Variants in KCND2 observed in about 807,000 individuals in gnomAD.
KCND2 encodes the protein potassium voltage-gated channel subfamily D member 2.
KCND2 carries 16 observed loss-of-function variants against 54.4 expected under a neutral mutation model. The observed-to-expected ratio is 0.29, with a 90% CI of 0.20 to 0.45. The LOEUF is 0.45. Among genes scored for constraint, KCND2 ranks in the 20% least tolerant of loss-of-function variants. KCND2 has a pLI of 1.00. For synonymous variants in KCND2, 317 were observed against 310.7 expected, an observed-to-expected ratio of 1.02 and a Z score of -0.21; for missense variants, 486 against 824.2, an observed-to-expected ratio of 0.59 and a Z score of 5.02.
In KCND2 at chr7:120,356,921, A is replaced by C. The variant is rs1033518350; in HGVS notation, c.1115+81174A>C. Among the ~76,000 whole-genome samples the C allele has an allele frequency of 5.3e-5, 8 of 152,064 alleles. 1 individual carries two copies. Among genetic ancestry groups the C allele is most frequent in the Admixed American group, 3.9e-4 (6 of 15,228 alleles). ...CGTTACTGGGGTTGCGGGAGTGACAAGCTATGTGACCATGTGCATAGGTAT... is the reference window on the plus strand; with the variant it reads ...CGTTACTGGGGTTGCGGGAGTGACACGCTATGTGACCATGTGCATAGGTAT... On this transcript the variant is annotated intron_variant, in intron 1 of 5. Transcript: ENST00000331113.
At chr7:120,726,622 C>G (rs1026982920) in intron 1 of KCND2, among the ~76,000 whole-genome samples, 1 of 152,162 alleles carries the variant, frequency 6.6e-6, no homozygotes, top group African/African-American at 2.4e-5. Context: ...CGGCTTTCAC[C>G]GGGGCATTAT....
At chr7:120,596,533 G>A (rs760672580) in intron 1 of KCND2, among the ~76,000 whole-genome samples, 2 of 152,264 alleles carry the variant, frequency 1.3e-5, no homozygotes, top group South Asian at 2.1e-4. Flanking sequence ...CTTAATCTCC[G>A]TAAAGTTGTA....
intron 1 of KCND2, among the ~76,000 whole-genome samples, chr7:120,611,548 GA>G (rs1315269018): frequency 6.6e-6 from 1 of 152,118 alleles, no homozygotes; most frequent in Non-Finnish European, 1.5e-5. Flanking sequence ...TGGGAGTGAA[GA>G]AAATGGTTCT....
intron 1 of KCND2, among the ~76,000 whole-genome samples, chr7:120,652,877 C>T (rs965622233): frequency 6.6e-6 from 1 of 152,114 alleles, no homozygotes; most frequent in African/African-American, 2.4e-5. Context: ...TTTAAATATC[C>T]CAGAAACTTT....
chr7:120,525,715 G>A lies in KCND2; in HGVS notation c.1116-207188G>A, dbSNP rs74934295. Among the ~76,000 whole-genome samples, 992 of 152,218 alleles carry A rather than the reference G, an allele frequency of 6.5e-3. 12 individuals carry two copies. The highest frequency in any genetic ancestry group is 0.022 in the African/African-American group (917 of 41,534). ...GGCAAGTGAACACAATGTGCCTAGCGTAAAGCCATTTATCCATTCAATAAT... is the reference window on the plus strand; with the variant it reads ...GGCAAGTGAACACAATGTGCCTAGCATAAAGCCATTTATCCATTCAATAAT... On this transcript the variant is annotated intron_variant, in intron 1 of 5. Coordinates refer to ENST00000331113, the MANE Select transcript of KCND2 (RefSeq NM_012281.3).
At chr7:120,425,912 C>T (rs1224471489) in intron 1 of KCND2, among the ~76,000 whole-genome samples, 1 of 150,940 alleles carries the variant, frequency 6.6e-6, no homozygotes, top group Non-Finnish European at 1.5e-5. Flanking sequence ...TTTCCTCTTT[C>T]TCCTATGTTA....
At chr7:120,365,874 C>G (rs1800670338) in intron 1 of KCND2, among the ~76,000 whole-genome samples, 1 of 151,810 alleles carries the variant, frequency 6.6e-6, no homozygotes, top group Non-Finnish European at 1.5e-5. Context: ...ATAAATATAA[C>G]TGAAAAATGT....
intron 1 of KCND2, among the ~76,000 whole-genome samples, chr7:120,300,375 AT>A (rs1799568677): frequency 6.6e-6 from 1 of 152,146 alleles, no homozygotes; most frequent in Admixed American, 6.6e-5. Flanking sequence ...TGGATTATAC[AT>A]TTATATTAAT....
At chr7:120,700,679 C>G (rs1406606718) in intron 1 of KCND2, among the ~76,000 whole-genome samples, 1 of 152,062 alleles carries the variant, frequency 6.6e-6, no homozygotes, top group Non-Finnish European at 1.5e-5. Context: ...ATGAAATAAA[C>G]AAATGTTGAA....
intron 1 of KCND2, among the ~76,000 whole-genome samples, chr7:120,578,051 GAA>G (rs1562877907): frequency 5.9e-5 from 9 of 151,728 alleles, no homozygotes; most frequent in Admixed American, 2.6e-4. Context: ...AGGAGAAGAA[GAA>G]GAAGAAGAAG....
At chr7:120,620,403 A>G (rs181531139) in intron 1 of KCND2, among the ~76,000 whole-genome samples, 172 of 152,268 alleles carry the variant, frequency 1.1e-3, no homozygotes, top group African/African-American at 3.9e-3. Flanking sequence ...AGTTCAGTTA[A>G]TATATTATGA....
chr7:120,303,577 C>T lies in KCND2; in HGVS notation c.1115+27830C>T, dbSNP rs1367364844. Among the ~76,000 whole-genome samples, 5 of 152,250 alleles carry T rather than the reference C, an allele frequency of 3.3e-5. No individual in the cohort carries two copies. The East Asian group carries it at 9.6e-4, about 29-fold the overall frequency. On this transcript the variant is annotated intron_variant, in intron 1 of 5. Coordinates refer to ENST00000331113, the MANE Select transcript of KCND2 (RefSeq NM_012281.3). ...TATTCTGCCAAAGACAAAATTTTTA[C>T]TTCAGCAGGATTTGGGGAAGTGCAT...
intron 3 of KCND2, 64 bp downstream of exon 3, chr7:120,741,693 A>G (rs138014445): frequency 1.8e-6 from 2 of 1,092,804 alleles, no homozygotes; most frequent in African/African-American, 1.5e-5. Flanking sequence ...ATTTAGTTCT[A>G]CTTTCCTATA....
chr7:120,452,800 C>T (rs73435825), intron 1 of KCND2, among the ~76,000 whole-genome samples: 1,937 of 152,210 alleles, frequency 0.013, 40 homozygotes, highest in African/African-American at 0.041. Flanking sequence ...TACCCATCGC[C>T]CAAGGCTCAC....
At chr7:120,697,775 A>G (rs1792349747) in intron 1 of KCND2, among the ~76,000 whole-genome samples, 3 of 152,348 alleles carry the variant, frequency 2.0e-5, no homozygotes, top group South Asian at 4.1e-4. Flanking sequence ...ACAATAAAAT[A>G]TAATTGGAAG....
chr7:120,489,740 C>T (rs565429212), intron 1 of KCND2, among the ~76,000 whole-genome samples: 1 of 152,286 alleles, frequency 6.6e-6, no homozygotes, highest in East Asian at 1.9e-4. Flanking sequence ...CACTTGACTT[C>T]ATGCCCCATC....
intron 1 of KCND2, among the ~76,000 whole-genome samples, chr7:120,650,768 G>A (rs1368653796): frequency 1.4e-5 from 2 of 143,442 alleles, no homozygotes; most frequent in African/African-American, 5.5e-5. Context: ...GGTCTTTCAT[G>A]ATGGTGATGT....
chr7:120,298,295 G>T (rs1799539437), intron 1 of KCND2, among the ~76,000 whole-genome samples: 1 of 152,132 alleles, frequency 6.6e-6, no homozygotes, highest in Non-Finnish European at 1.5e-5. Flanking sequence ...GTCACCAAAA[G>T]GGGAACTCAT....
chr7:120,634,150 C>A (rs547054349), intron 1 of KCND2, among the ~76,000 whole-genome samples: 2 of 152,192 alleles, frequency 1.3e-5, no homozygotes, highest in Admixed American at 1.3e-4. Context: ...ATATTCTAGG[C>A]TCACATTTCA....
Sources: gnomAD v4.1 joint callset for allele counts (sites outside exome capture counted in the v4.1 genomes callset) on GRCh38, gnomAD v4.1.1 for gene constraint, MANE v1.5 for transcripts, NCBI Gene and HGNC (gene_info 2026-07-23, HGNC 2026-07-21) for gene names.